Variants in TRIO observed in about 807,000 individuals in gnomAD.
TRIO encodes the protein trio Rho guanine nucleotide exchange factor, also known as triple functional domain protein.
A neutral mutation model predicts 351.9 loss-of-function variants in TRIO; 58 were observed. That is an observed-to-expected ratio of 0.16 (90% confidence interval 0.13 to 0.21). The LOEUF is 0.21. Ranked by LOEUF, TRIO falls within the 10% of genes least tolerant of loss-of-function variation. The probability of loss-of-function intolerance (pLI) is 1.00; values close to 1 mark genes in which losing one functional copy is unlikely to be tolerated. For missense variants in TRIO, 3,201 were observed against 4,027.8 expected (o/e 0.79, Z 5.56); for synonymous variants, 1,758 against 1,595.7 (o/e 1.10, Z -2.42).
At chr5:14,362,373 T>C (rs1017594006) in intron 13 of TRIO, among the ~76,000 whole-genome samples, 1 of 152,214 alleles carries the variant, frequency 6.6e-6, no homozygotes, top group Non-Finnish European at 1.5e-5. Flanking sequence ...TCATTTCTTA[T>C]TGTCATCGAC....
At chr5:14,283,399 C>CTG (rs1484402433) in intron 3 of TRIO, among the ~76,000 whole-genome samples, 1 of 152,210 alleles carries the variant, frequency 6.6e-6, no homozygotes, top group Non-Finnish European at 1.5e-5. Context: ...ATCAGACTGA[C>CTG]TGTGACCTGG....
chr5:14,306,107 C>A (rs369097561), intron 8 of TRIO, among the ~76,000 whole-genome samples: 26 of 149,724 alleles, frequency 1.7e-4, no homozygotes, highest in African/African-American at 6.3e-4. Context: ...CCTGATACCA[C>A]GTGATGTCTA....
At chr5:14,282,566 A>G (rs190590712) in intron 3 of TRIO, among the ~76,000 whole-genome samples, 40 of 145,314 alleles carry the variant, frequency 2.8e-4, no homozygotes, top group Non-Finnish European at 4.3e-4. Flanking sequence ...GACCCACTTT[A>G]AAAAAAAAAC....
intron 7 of TRIO, among the ~76,000 whole-genome samples, chr5:14,300,819 C>T (rs918483300): frequency 1.3e-5 from 2 of 152,138 alleles, no homozygotes; most frequent in African/African-American, 2.4e-5. Flanking sequence ...TTCACACTTG[C>T]ATTAATATTC....
chr5:14,289,900 G>A (rs1468016598), intron 4 of TRIO, among the ~76,000 whole-genome samples: 1 of 152,042 alleles, frequency 6.6e-6, no homozygotes, highest in African/African-American at 2.4e-5. Context: ...GACTGTAATT[G>A]ACTAAAACTT....
chr5:14,340,085 G>A (rs559179859), intron 11 of TRIO, among the ~76,000 whole-genome samples: 49 of 152,258 alleles, frequency 3.2e-4, no homozygotes, highest in Non-Finnish European at 6.2e-4. Context: ...AAATTACATA[G>A]AAGAAGATAG....
At chr5:14,380,934 G>T (rs1243212953) in intron 20 of TRIO, among the ~76,000 whole-genome samples, 196 bp from the exon 21 acceptor site, 2 of 152,190 alleles carry the variant, frequency 1.3e-5, no homozygotes, top group Non-Finnish European at 2.9e-5. Context: ...TAACCATCTA[G>T]AATATCCTTT....
intron 31 of TRIO, among the ~76,000 whole-genome samples, chr5:14,405,412 C>T (rs1748616970): frequency 6.6e-6 from 1 of 152,220 alleles, no homozygotes; most frequent in African/African-American, 2.4e-5. Flanking sequence ...CGCCGCTGTT[C>T]CCTGAGTCCA....
chr5:14,188,504 G>A (rs1334450321), intron 1 of TRIO, among the ~76,000 whole-genome samples: 1 of 152,146 alleles, frequency 6.6e-6, no homozygotes, highest in Non-Finnish European at 1.5e-5. Flanking sequence ...AACACAATTT[G>A]TCTTTTATAT....
Position 14,358,366 on chromosome 5 carries a change from C to G in TRIO, c.2216+19C>G. ...AGCTCAGGTGGGCCTCACCCCTCTCCTGGTCCGAACAGATTCTGAAACCCT... is the reference window on the plus strand; with the variant it reads ...AGCTCAGGTGGGCCTCACCCCTCTCGTGGTCCGAACAGATTCTGAAACCCT... On this transcript the variant is annotated intron_variant, in intron 12 of 56. Coordinates refer to ENST00000344204, the MANE Select transcript of TRIO (RefSeq NM_007118.4). 6.2e-7 allele frequency: 1 copy of G among 1,610,390 alleles called. No individual in the cohort carries two copies. The highest frequency in any genetic ancestry group is 8.5e-7 in the Non-Finnish European group (1 of 1,177,064).
intron 44 of TRIO, 84 bp downstream of exon 44, chr5:14,481,368 C>G: frequency 6.4e-7 from 1 of 1,571,252 alleles, no homozygotes; most frequent in Non-Finnish European, 8.7e-7. Flanking sequence ...AGTGGTCTGG[C>G]CCTGGGAGGG....
chr5:14,398,728 A>G, intron 29 of TRIO, 152 bp from the exon 30 acceptor site: 1 of 671,742 alleles, frequency 1.5e-6, no homozygotes. Context: ...AGGATGGGTC[A>G]GTGGCGTCGA....
At chr5:14,215,766 C>T (rs1792178068) in intron 1 of TRIO, among the ~76,000 whole-genome samples, 1 of 152,196 alleles carries the variant, frequency 6.6e-6, no homozygotes, top group Non-Finnish European at 1.5e-5. Flanking sequence ...AGTTCTACTA[C>T]TCCAAAGTGC....
At chr5:14,449,132 T>C (rs368934521) in intron 34 of TRIO, among the ~76,000 whole-genome samples, 10 of 152,288 alleles carry the variant, frequency 6.6e-5, no homozygotes, top group African/African-American at 2.4e-4. Context: ...TAGTGATTTT[T>C]TATGACATCG....
intron 48 of TRIO, chr5:14,488,725 A>G: frequency 1.7e-6 from 1 of 577,248 alleles, no homozygotes; most frequent in Non-Finnish European, 3.1e-6. Flanking sequence ...TCTGCTGGGG[A>G]AGACCATTCC....
intron 1 of TRIO, among the ~76,000 whole-genome samples, chr5:14,149,552 C>G (rs1258304418): frequency 6.6e-6 from 1 of 152,164 alleles, no homozygotes; most frequent in Admixed American, 6.5e-5. Flanking sequence ...AAAGAGAGAG[C>G]AAACCAGAGT....
chr5:14,242,221 A>G (rs1794169442), intron 1 of TRIO, among the ~76,000 whole-genome samples: 1 of 152,236 alleles, frequency 6.6e-6, no homozygotes, highest in Non-Finnish European at 1.5e-5. Context: ...ACTGCAGTCT[A>G]CTTCATGTTT....
intron 1 of TRIO, among the ~76,000 whole-genome samples, chr5:14,207,523 TACACACACAC>T (rs113435385): frequency 1.1e-4 from 6 of 53,192 alleles, no homozygotes; most frequent in East Asian, 6.2e-4. Context: ...ACTGTCTCTC[TACACACACAC>T]ACACACACAC....
chr5:14,394,227 A>G (rs1747366674), intron 28 of TRIO, 97 bp downstream of exon 28: 3 of 721,642 alleles, frequency 4.2e-6, no homozygotes, highest in Non-Finnish European at 6.6e-6. Context: ...ATTTTTTGAA[A>G]CACCTAGTCA....
Sources: allele counts gnomAD v4.1 joint callset (sites outside exome capture counted in the v4.1 genomes callset), GRCh38; gene constraint gnomAD v4.1.1; transcripts MANE v1.5; gene names NCBI Gene and HGNC (gene_info 2026-07-23, HGNC 2026-07-21).